DLGAP2: variants seen among roughly 807,000 people sequenced by gnomAD.
The protein encoded by DLGAP2 is DLG associated protein 2, also known as disks large-associated protein 2.
A neutral mutation model predicts 100.3 loss-of-function variants in DLGAP2; 26 were observed. The ratio of observed to expected loss-of-function variants is 0.26; its 90% CI spans 0.19 to 0.36. The LOEUF (loss-of-function observed/expected upper bound fraction) is 0.36. DLGAP2 is among the 10% of genes least tolerant of loss of function. The probability of loss-of-function intolerance (pLI) is 1.00; values close to 1 mark genes in which losing one functional copy is unlikely to be tolerated. For missense variants in DLGAP2, 1,858 were observed against 1,453.2 expected (o/e 1.28, Z -4.53); for synonymous variants, 886 against 630.1 (o/e 1.41, Z -6.08).
chr8:1,579,652 C>T (rs1005250116), intron 6 of DLGAP2, among the ~76,000 whole-genome samples: 1 of 152,132 alleles, frequency 6.6e-6, no homozygotes, highest in African/African-American at 2.4e-5. Context: ...GACTATTCAT[C>T]TACCTTATCA....
intron 12 of DLGAP2, among the ~76,000 whole-genome samples, chr8:1,682,454 A>G (rs927016891): frequency 6.6e-6 from 1 of 151,232 alleles, no homozygotes; most frequent in Admixed American, 6.6e-5. Context: ...CAACAGTAAG[A>G]TTCCAAAATC....
chr8:820,128 T>A (rs1041360828), intron 1 of DLGAP2, among the ~76,000 whole-genome samples: 4 of 152,254 alleles, frequency 2.6e-5, no homozygotes, highest in African/African-American at 9.6e-5. Flanking sequence ...AAAATATGGA[T>A]TCTTCAGTAA....
intron 3 of DLGAP2, among the ~76,000 whole-genome samples, chr8:1,451,634 C>T (rs541739473): frequency 3.5e-4 from 53 of 152,230 alleles, no homozygotes; most frequent in African/African-American, 1.2e-3. Context: ...CCTCTGTTGC[C>T]GGCTCCTCTT....
At chr8:1,258,552 T>C (rs1799277349) in intron 2 of DLGAP2, among the ~76,000 whole-genome samples, 1 of 152,156 alleles carries the variant, frequency 6.6e-6, no homozygotes, top group Non-Finnish European at 1.5e-5. Context: ...TGTATACCTA[T>C]GTAAGCTGCA....
chr8:1,426,293 A>T (rs1284159310), intron 3 of DLGAP2, among the ~76,000 whole-genome samples: 1 of 152,194 alleles, frequency 6.6e-6, no homozygotes, highest in African/African-American at 2.4e-5. Flanking sequence ...GAATTTGGAG[A>T]CCTAAAATTG....
At chr8:1,177,615 G>A (rs1370533726) in intron 2 of DLGAP2, among the ~76,000 whole-genome samples, 4 of 152,188 alleles carry the variant, frequency 2.6e-5, no homozygotes, top group Non-Finnish European at 4.4e-5. Flanking sequence ...GGCAAAGCCT[G>A]TCTTAGTCCA....
At chr8:1,547,904 C>G (rs536487422) in intron 4 of DLGAP2, among the ~76,000 whole-genome samples, 1 of 152,308 alleles carries the variant, frequency 6.6e-6, no homozygotes, top group African/African-American at 2.4e-5. Flanking sequence ...CGATTAATAC[C>G]TGTGTATGTG....
At chr8:1,052,767 C>T (rs1029850252) in intron 2 of DLGAP2, among the ~76,000 whole-genome samples, 1 of 152,102 alleles carries the variant, frequency 6.6e-6, no homozygotes, top group Non-Finnish European at 1.5e-5. Context: ...ACACACTGGA[C>T]TTGTTTTTAA....
chr8:1,516,411 A>G (rs1030687624), intron 4 of DLGAP2, among the ~76,000 whole-genome samples: 2 of 146,834 alleles, frequency 1.4e-5, no homozygotes, highest in African/African-American at 5.1e-5. Context: ...GACTGAGTGA[A>G]AGAGTGAGTG....
intron 3 of DLGAP2, among the ~76,000 whole-genome samples, chr8:1,323,526 C>T (rs548155971): frequency 8.1e-4 from 123 of 152,266 alleles, no homozygotes; most frequent in Non-Finnish European, 1.4e-3. Flanking sequence ...AGTACCAGGG[C>T]GAGTGTAGTG....
chr8:1,135,112 C>T (rs1796377338), intron 2 of DLGAP2, among the ~76,000 whole-genome samples: 1 of 152,186 alleles, frequency 6.6e-6, no homozygotes, highest in Non-Finnish European at 1.5e-5. Context: ...AACACCTTAA[C>T]CTGTAAAGCT....
chr8:1,366,971 G>C (rs906515645), intron 3 of DLGAP2, among the ~76,000 whole-genome samples: 1 of 150,120 alleles, frequency 6.7e-6, no homozygotes, highest in East Asian at 2.0e-4. Context: ...CAACACACAC[G>C]CACGTGACCA....
rs779088209 is a variant in DLGAP2, at chr8:1,548,607, C to A, written c.173-19C>A. 12 of 1,475,616 alleles carry A rather than the reference C, an allele frequency of 8.1e-6. No individual in the cohort carries two copies. In the East Asian group the frequency reaches 2.5e-4, roughly 30 times the overall value. 91.4% of individuals were successfully genotyped at this position (1,475,616 alleles called of 1,614,324 possible). Reference sequence around the variant, plus strand: ...CGCCGCGCTTCCGGGTGTTCAATGCCGTTTCTGTTTCCCCACAGACCCGCA... The same window carrying A: ...CGCCGCGCTTCCGGGTGTTCAATGCAGTTTCTGTTTCCCCACAGACCCGCA... On this transcript the variant is annotated intron_variant, in intron 4 of 14. Coordinates refer to ENST00000637795, the MANE Select transcript of DLGAP2 (RefSeq NM_001346810.2).
At position 930,737 on chromosome 8, in the gene DLGAP2, G is replaced by T. The variant is rs527447015; in HGVS notation, c.73+22771G>T. On this transcript the variant is annotated intron_variant, in intron 2 of 14. Transcript: ENST00000637795. ...CCCCACACTGCAGAGACTTCCTCCC[G>T]CTGTCTTCCAGAGCTGTGGGAGCCA... Among the ~76,000 whole-genome samples, 6 of 152,312 alleles carry T rather than the reference G, an allele frequency of 3.9e-5. No homozygotes were observed. The East Asian group carries it at 9.6e-4, about 24-fold the overall frequency.
intron 2 of DLGAP2, among the ~76,000 whole-genome samples, chr8:1,080,674 T>A (rs1320540099): frequency 1.3e-5 from 2 of 152,182 alleles, no homozygotes; most frequent in East Asian, 1.9e-4. Context: ...CAGTAGTTAC[T>A]CGGTAAAGGG....
intron 4 of DLGAP2, among the ~76,000 whole-genome samples, chr8:1,503,639 A>T (rs1056981008): frequency 6.6e-6 from 1 of 152,084 alleles, no homozygotes; most frequent in Non-Finnish European, 1.5e-5. Context: ...CCAGAAGTGG[A>T]ATTGGTGGAT....
At chr8:1,667,739 T>G (rs1264060029) in intron 8 of DLGAP2, among the ~76,000 whole-genome samples, 12 of 152,206 alleles carry the variant, frequency 7.9e-5, no homozygotes, top group Non-Finnish European at 1.8e-4. Flanking sequence ...TAGTTTAGCA[T>G]CCGGCGTGCT....
At chr8:1,011,403 C>G (rs899980288) in intron 2 of DLGAP2, among the ~76,000 whole-genome samples, 1 of 147,954 alleles carries the variant, frequency 6.8e-6, no homozygotes, top group African/African-American at 2.5e-5. Context: ...AATGAGGAGT[C>G]TCAGTCTACA....
At chr8:839,679 G>A (rs555470004) in intron 1 of DLGAP2, among the ~76,000 whole-genome samples, 4 of 152,192 alleles carry the variant, frequency 2.6e-5, no homozygotes, top group Admixed American at 6.5e-5. Flanking sequence ...TGTGTGCCTC[G>A]TCCTGGTCAG....
Sources: allele counts gnomAD v4.1 joint callset (sites outside exome capture counted in the v4.1 genomes callset), GRCh38; gene constraint gnomAD v4.1.1; transcripts MANE v1.5; gene names NCBI Gene and HGNC (gene_info 2026-07-23, HGNC 2026-07-21).